Variants in TCF12 observed in about 807,000 individuals in gnomAD.
TCF12 encodes the protein transcription factor 12.
In TCF12, 45 loss-of-function variants were observed where a neutral mutation model predicts 86.0. The ratio of observed to expected loss-of-function variants is 0.52; its 90% CI spans 0.41 to 0.67. TCF12 has a LOEUF of 0.67. Among genes scored for constraint, TCF12 ranks in the 30% least tolerant of loss-of-function variants. The pLI, the probability that TCF12 is intolerant of heterozygous loss-of-function variation, is 0.00. For missense variants in TCF12, 881 were observed against 859.9 expected (o/e 1.02, Z -0.31); for synonymous variants, 330 against 299.6 (o/e 1.10, Z -1.05).
intron 8 of TCF12, among the ~76,000 whole-genome samples, chr15:57,226,621 T>C (rs1353307773): frequency 6.6e-6 from 1 of 152,176 alleles, no homozygotes; most frequent in Non-Finnish European, 1.5e-5. Flanking sequence ...TTCAGAAAAG[T>C]AGGTAGCCTT....
chr15:56,930,946 C>G lies in TCF12; in HGVS notation c.148+9848C>G, dbSNP rs116626761. ...TGATTTGTAGCGTGTGACATATATACCTATATACTATGTTTCCTTTCTAAA... is the reference window on the plus strand; with the variant it reads ...TGATTTGTAGCGTGTGACATATATAGCTATATACTATGTTTCCTTTCTAAA... On this transcript the variant is annotated intron_variant, in intron 3 of 20. Transcript: ENST00000333725. 7.5e-3 allele frequency among the ~76,000 whole-genome samples: 1,134 copies of G among 152,128 alleles called. 10 individuals are homozygous for G. Among genetic ancestry groups the G allele is most frequent in the African/African-American group, 0.026 (1,096 of 41,490 alleles).
intron 3 of TCF12, among the ~76,000 whole-genome samples, chr15:57,005,533 A>C (rs900743469): frequency 1.3e-5 from 2 of 152,144 alleles, no homozygotes; most frequent in African/African-American, 4.8e-5. Flanking sequence ...GTTTTTGAGT[A>C]TTTTAATAAT....
At chr15:56,922,591 G>T (rs1015406565) in intron 3 of TCF12, among the ~76,000 whole-genome samples, 1 of 151,940 alleles carries the variant, frequency 6.6e-6, no homozygotes, top group African/African-American at 2.4e-5. Flanking sequence ...TCTACATTGC[G>T]AATGGTCACC....
intron 3 of TCF12, among the ~76,000 whole-genome samples, chr15:57,007,781 TCTTTCTTTCTC>T: frequency 2.9e-5 from 1 of 34,710 alleles, no homozygotes; most frequent in Non-Finnish European, 7.1e-5. Context: ...TTTCTTTCTT[TCTTTCTTTCTC>T]TCTTTCTTTC....
At chr15:57,198,280 TGAG>T (rs2057370466) in intron 8 of TCF12, among the ~76,000 whole-genome samples, 1 of 152,322 alleles carries the variant, frequency 6.6e-6, no homozygotes, top group African/African-American at 2.4e-5. Flanking sequence ...TCAGTAGGAC[TGAG>T]GTTATTAATA....
chr15:57,181,653 G>A (rs1597123268), intron 6 of TCF12, among the ~76,000 whole-genome samples: 1 of 152,182 alleles, frequency 6.6e-6, no homozygotes, highest in East Asian at 1.9e-4. Flanking sequence ...TTCACATCTG[G>A]AAATTAAGCT....
chr15:57,073,780 G>A (rs1181982655), intron 4 of TCF12, among the ~76,000 whole-genome samples: 1 of 152,106 alleles, frequency 6.6e-6, no homozygotes, highest in Non-Finnish European at 1.5e-5. Context: ...ACGGAGTCTC[G>A]CTGTGTCGCC....
rs146262946 is a variant in TCF12 at position 57,230,340 on chromosome 15, C to T, written c.580-812C>T. On this transcript the variant is annotated intron_variant, in intron 8 of 20. Transcript: ENST00000333725. ...TTCTGGTTTACTTCTATAGACTGTG[C>T]ATCACTTTAGATATTATTTGTTTTC... Among the ~76,000 whole-genome samples the T allele has an allele frequency of 7.4e-3, 1,124 of 152,048 alleles. 14 individuals are homozygous for T. The highest frequency in any genetic ancestry group is 0.026 in the African/African-American group (1,075 of 41,542).
intron 3 of TCF12, among the ~76,000 whole-genome samples, chr15:57,012,004 T>C (rs2064863278): frequency 1.3e-5 from 2 of 152,196 alleles, no homozygotes; most frequent in African/African-American, 4.8e-5. Context: ...CTTTTACTGA[T>C]AGGATCTCTG....
intron 5 of TCF12, among the ~76,000 whole-genome samples, chr15:57,138,485 C>T (rs1335782772): frequency 6.6e-6 from 1 of 152,184 alleles, no homozygotes; most frequent in Non-Finnish European, 1.5e-5. Context: ...GAAATTTAGG[C>T]AACTGCTATG....
Position 56,922,327 on chromosome 15 carries a change from G to T in TCF12, c.148+1229G>T, listed in dbSNP as rs536579656. On this transcript the variant is annotated intron_variant, in intron 3 of 20. Transcript: ENST00000333725. ...GATATTACTGTTGCCTACTGTTCCA[G>T]CTTAAGTTATGGTAAATATATATAA... Among the ~76,000 whole-genome samples the T allele has an allele frequency of 2.0e-5, 3 of 151,978 alleles. No homozygotes were observed. In the East Asian group the frequency reaches 5.8e-4, roughly 29 times the overall value.
intron 8 of TCF12, among the ~76,000 whole-genome samples, chr15:57,211,119 C>A (rs1404825666): frequency 6.6e-6 from 1 of 152,204 alleles, no homozygotes; most frequent in Non-Finnish European, 1.5e-5. Flanking sequence ...CATGAAATAT[C>A]TGACTTGTAG....
At chr15:57,050,111 T>C (rs1431379304) in intron 3 of TCF12, among the ~76,000 whole-genome samples, 3 of 152,198 alleles carry the variant, frequency 2.0e-5, no homozygotes, top group African/African-American at 4.8e-5. Flanking sequence ...TTATTCTGTA[T>C]ACCTCTTCCT....
At chr15:57,249,637 A>C (rs1288817174) in intron 13 of TCF12, among the ~76,000 whole-genome samples, 2 of 152,190 alleles carry the variant, frequency 1.3e-5, no homozygotes, top group Admixed American at 1.3e-4. Flanking sequence ...GAACTATAAT[A>C]GTTCTAATTT....
chr15:57,211,479 A>C (rs1384327009), intron 8 of TCF12, among the ~76,000 whole-genome samples: 5 of 152,212 alleles, frequency 3.3e-5, no homozygotes, highest in Admixed American at 2.6e-4. Flanking sequence ...AGTTATATAT[A>C]ACTAGCCTTT....
chr15:57,068,191 A>G (rs188011912), intron 4 of TCF12, among the ~76,000 whole-genome samples: 20 of 152,298 alleles, frequency 1.3e-4, no homozygotes, highest in African/African-American at 4.8e-4. Context: ...TCATCTGTGA[A>G]ATGGGGATAA....
Position 57,288,156 on chromosome 15 carries a change from CTTTAT to C in TCF12, c.*2018_*2022del, listed in dbSNP as rs1183192945. On this transcript the variant is annotated 3_prime_UTR_variant, in exon 21 of 21. Transcript: ENST00000333725. ...AAAGTTTTCAGTAAAAAGTTTCTTA[CTTTAT>C]TTTATTATATTAGGTAGTAAAAAAT... 3 of 152,468 alleles carry C rather than the reference CTTTAT, an allele frequency of 2.0e-5. No homozygotes were observed. Among genetic ancestry groups the C allele is most frequent in the African/African-American group, 4.8e-5 (2 of 41,426 alleles). 9.4% of individuals were successfully genotyped at this position (152,468 alleles called of 1,614,324 possible). A position where few individuals can be genotyped will look rare whatever the true frequency, so the allele number is the denominator to read the frequency against.
intron 3 of TCF12, among the ~76,000 whole-genome samples, chr15:56,922,977 A>G (rs978815482): frequency 6.6e-6 from 1 of 152,000 alleles, no homozygotes; most frequent in East Asian, 1.9e-4. Flanking sequence ...TTCAAAGGAT[A>G]TTATGTAATA....
intron 3 of TCF12, among the ~76,000 whole-genome samples, chr15:57,016,864 C>T (rs1433379333): frequency 1.3e-4 from 20 of 152,064 alleles, no homozygotes; most frequent in Admixed American, 1.1e-3. Context: ...ATTTATCTCT[C>T]CAGAGCAAAA....
Sources: allele counts gnomAD v4.1 joint callset (sites outside exome capture counted in the v4.1 genomes callset), GRCh38; gene constraint gnomAD v4.1.1; transcripts MANE v1.5; gene names NCBI Gene and HGNC (gene_info 2026-07-23, HGNC 2026-07-21).